The following DSG2 variants were observed in gnomAD, a reference collection of about 807,000 sequenced individuals.
DSG2 encodes desmoglein-2.
DSG2 carries 45 observed loss-of-function variants against 75.6 expected under a neutral mutation model. The observed-to-expected ratio is 0.60, with a 90% CI of 0.47 to 0.76. The LOEUF (loss-of-function observed/expected upper bound fraction) is 0.76. DSG2 is among the 30% of genes least tolerant of loss of function. The probability of loss-of-function intolerance (pLI) is 0.00; values close to 1 mark genes in which losing one functional copy is unlikely to be tolerated. For synonymous variants in DSG2, 429 were observed against 483.9 expected (o/e 0.89, Z 1.49); for missense variants, 1,267 against 1,357.4 (o/e 0.93, Z 1.05).
At chr18:31,534,915 CTAAG>C (rs1275297739) in intron 9 of DSG2, among the ~76,000 whole-genome samples, 1 of 152,172 alleles carries the variant, frequency 6.6e-6, no homozygotes, top group African/African-American at 2.4e-5. Context: ...TATTGTATAA[CTAAG>C]TTATTCCCCA....
Position 31,524,462 on chromosome 18 carries a change from C to A in DSG2, c.705C>A (p.Tyr235Ter). 6.2e-7 allele frequency: 1 copy of A among 1,614,150 alleles called. No individual in the cohort carries two copies. Among genetic ancestry groups the A allele is most frequent in the Non-Finnish European group, 8.5e-7 (1 of 1,180,012 alleles). Reference protein sequence around the residue: ...VTLDREEHSSYTLTVEARDGN... With the variant: ...VTLDREEHSS ...TTGCTCTGCAGGAACACAGCAGCTA[C>A]ACTTTGACAGTAGAAGCAAGAGATG... Residue 235 changes from tyrosine (Y) to a stop codon, truncating the protein, a stop_gained, in exon 7 of 15, where the codon TAC becomes TAA. Coordinates refer to ENST00000261590, the MANE Select transcript of DSG2 (RefSeq NM_001943.5). LOFTEE classifies it high-confidence loss of function.
At chr18:31,507,686 G>A (rs2073045969) in intron 1 of DSG2, among the ~76,000 whole-genome samples, 1 of 152,164 alleles carries the variant, frequency 6.6e-6, no homozygotes, top group East Asian at 1.9e-4. Flanking sequence ...CAGTGATGAT[G>A]AGCTTTTTTT....
intron 6 of DSG2, among the ~76,000 whole-genome samples, chr18:31,522,802 G>A (rs1322364558): frequency 1.3e-5 from 2 of 149,792 alleles, no homozygotes; most frequent in Non-Finnish European, 2.9e-5. Context: ...AGTGAGGAAA[G>A]GGATGAAAAT....
intron 11 of DSG2, among the ~76,000 whole-genome samples, chr18:31,537,990 T>C (rs1025935433): frequency 2.0e-5 from 3 of 152,118 alleles, no homozygotes; most frequent in Non-Finnish European, 2.9e-5. Context: ...CGAGACTCCA[T>C]TTCAAAAAAT....
chr18:31,523,766 C>T (rs2144320810), intron 6 of DSG2, among the ~76,000 whole-genome samples: 1 of 152,306 alleles, frequency 6.6e-6, no homozygotes, highest in South Asian at 2.1e-4. Flanking sequence ...ACCCGAAGGT[C>T]AAAGCGAATA....
intron 1 of DSG2, among the ~76,000 whole-genome samples, chr18:31,512,453 A>G (rs1358956740): frequency 2.6e-5 from 4 of 152,242 alleles, no homozygotes; most frequent in African/African-American, 4.8e-5. Context: ...CAATGATGCA[A>G]TGACTACAGT....
chr18:31,507,110 C>T (rs1387590745), intron 1 of DSG2, among the ~76,000 whole-genome samples: 1 of 148,558 alleles, frequency 6.7e-6, no homozygotes, highest in Non-Finnish European at 1.5e-5. Flanking sequence ...CAGTGTGTGA[C>T]GTTCCCCTCC....
intron 1 of DSG2, among the ~76,000 whole-genome samples, chr18:31,500,224 C>T (rs994537604): frequency 6.6e-6 from 1 of 151,906 alleles, no homozygotes; most frequent in Admixed American, 6.6e-5. Flanking sequence ...AAACTGACTA[C>T]CTAAGTGTAG....
At chr18:31,528,257 A>T (rs2073174229) in intron 8 of DSG2, among the ~76,000 whole-genome samples, 2 of 152,242 alleles carry the variant, frequency 1.3e-5, no homozygotes, top group South Asian at 4.1e-4. Flanking sequence ...TGTTCATAGC[A>T]GCATTATTCA....
intron 1 of DSG2, among the ~76,000 whole-genome samples, chr18:31,507,277 A>G (rs1020142969): frequency 2.0e-5 from 3 of 152,206 alleles, no homozygotes; most frequent in Admixed American, 1.3e-4. Context: ...TTATGGCTGC[A>G]TAGTATTCCA....
At chr18:31,501,270 G>T (rs902313847) in intron 1 of DSG2, among the ~76,000 whole-genome samples, 1 of 152,214 alleles carries the variant, frequency 6.6e-6, no homozygotes. Flanking sequence ...GCTCGTGGGT[G>T]AGAGATTTCC....
rs1486707230 is a variant in DSG2, at chr18:31,545,747, T to C, written c.2361T>C (p.Asp787=). 6.2e-7 allele frequency: 1 copy of C among 1,614,114 alleles called. No homozygotes were observed. The highest frequency in any genetic ancestry group is 8.5e-7 in the Non-Finnish European group (1 of 1,180,032). Residue 787 remains aspartate, a synonymous_variant, in exon 15 of 15, where the codon GAT becomes GAC. Transcript: ENST00000261590. ...AAGCGGCCTCTTACACTGAGGAAGA[T>C]GAAAATCACACAGCCAAAGATTGCC... ...TDKAASYTEE[D]ENHTAKDCLL...
chr18:31,522,231 T>G lies in DSG2; in HGVS notation c.672T>G (p.Ser224Arg). Residue 224 changes from serine to arginine, a missense_variant, in exon 6 of 15, where the codon AGT becomes AGG. Ser to Arg is a moderately radical substitution (Grantham distance 110, BLOSUM62 -1). Transcript: ENST00000261590. ...NKDTGEIYTTSVTLDREEHSS... is the reference protein window; with the variant it reads ...NKDTGEIYTTRVTLDREEHSS... Reference sequence around the variant, plus strand: ...ATACAGGAGAGATTTATACAACCAGTGTTACCTTGGACAGAGAGGTAAGTT... The same window carrying G: ...ATACAGGAGAGATTTATACAACCAGGGTTACCTTGGACAGAGAGGTAAGTT... 6.2e-7 allele frequency: 1 copy of G among 1,613,708 alleles called. No individual in the cohort carries two copies. Among genetic ancestry groups the G allele is most frequent in the Non-Finnish European group, 8.5e-7 (1 of 1,179,672 alleles).
chr18:31,525,897 C>G (rs979950024), intron 8 of DSG2, among the ~76,000 whole-genome samples: 2 of 152,068 alleles, frequency 1.3e-5, no homozygotes, highest in Non-Finnish European at 2.9e-5. Flanking sequence ...CATCCCAGCA[C>G]TTTGGGAGGC....
chr18:31,499,395 C>T (rs527464389), intron 1 of DSG2, among the ~76,000 whole-genome samples: 4 of 150,286 alleles, frequency 2.7e-5, no homozygotes, highest in African/African-American at 9.8e-5. Context: ...TGTCTCAAAA[C>T]GGAAAAAGGC....
intron 14 of DSG2, among the ~76,000 whole-genome samples, chr18:31,545,488 A>G (rs2073298140): frequency 6.6e-6 from 1 of 152,010 alleles, no homozygotes; most frequent in Admixed American, 6.6e-5. Context: ...GTCTCCTTTA[A>G]TCTGAAACAG....
chr18:31,541,338 G>T, intron 13 of DSG2, 24 bp downstream of exon 13: 2 of 1,613,396 alleles, frequency 1.2e-6, no homozygotes, highest in South Asian at 2.2e-5. Context: ...ATGTCAATAT[G>T]ACTTGTCTTC....
At chr18:31,502,828 G>A (rs1380919964) in intron 1 of DSG2, among the ~76,000 whole-genome samples, 1 of 152,126 alleles carries the variant, frequency 6.6e-6, no homozygotes, top group Non-Finnish European at 1.5e-5. Flanking sequence ...AACTTTAACT[G>A]AAAGCATAAA....
chr18:31,540,638 T>C (rs990542570), intron 12 of DSG2, among the ~76,000 whole-genome samples: 3 of 152,334 alleles, frequency 2.0e-5, no homozygotes, highest in East Asian at 1.9e-4. Context: ...CAGTTCATCA[T>C]TGGAAGCTGC....
Sources: allele counts gnomAD v4.1 joint callset (sites outside exome capture counted in the v4.1 genomes callset), GRCh38; gene constraint gnomAD v4.1.1; transcripts MANE v1.5; gene names NCBI Gene and HGNC (gene_info 2026-07-23, HGNC 2026-07-21).